The following SATB2 variants were observed in gnomAD, a reference collection of about 807,000 sequenced individuals.
The protein encoded by SATB2 is SATB homeobox 2.
Under a neutral mutation model 73.4 loss-of-function variants are expected in SATB2, and 1 was observed. The ratio of observed to expected loss-of-function variants is 0.01; its 90% CI spans 0.00 to 0.06. The LOEUF is 0.06. Ranked by LOEUF, SATB2 falls within the 10% of genes least tolerant of loss-of-function variation. The pLI is 1.00. For synonymous variants in SATB2, 397 were observed against 367.0 expected, an observed-to-expected ratio of 1.08 and a Z score of -0.93; for missense variants, 459 against 945.8, an observed-to-expected ratio of 0.49 and a Z score of 6.75.
intron 7 of SATB2, among the ~76,000 whole-genome samples, chr2:199,329,700 A>T (rs1353557429): frequency 2.6e-5 from 4 of 152,170 alleles, no homozygotes; most frequent in Non-Finnish European, 1.5e-5. Context: ...ACTCACCCAA[A>T]TAGAAAGATT....
At chr2:199,285,702 T>C (rs1413035069) in intron 10 of SATB2, among the ~76,000 whole-genome samples, 1 of 146,238 alleles carries the variant, frequency 6.8e-6, no homozygotes, top group East Asian at 2.0e-4. Context: ...TCTTAGCACA[T>C]ACAGCTATAG....
intron 3 of SATB2, among the ~76,000 whole-genome samples, chr2:199,382,865 G>A: frequency 6.6e-6 from 1 of 152,104 alleles, no homozygotes; most frequent in East Asian, 1.9e-4. Context: ...GACAATACAG[G>A]TGAGTCCAAC....
At chr2:199,393,871 T>G (rs1003577826) in intron 3 of SATB2, among the ~76,000 whole-genome samples, 1 of 152,098 alleles carries the variant, frequency 6.6e-6, no homozygotes, top group Non-Finnish European at 1.5e-5. Context: ...AAAACAACAA[T>G]GGCTTTCAGA....
chr2:199,398,763 G>A (rs116626789), intron 3 of SATB2, among the ~76,000 whole-genome samples: 3,916 of 152,214 alleles, frequency 0.026, 82 homozygotes, highest in Admixed American at 0.065. Context: ...ATAATAAAGA[G>A]CTAAAATGAC....
intron 6 of SATB2, among the ~76,000 whole-genome samples, chr2:199,363,872 T>C (rs1199033628): frequency 3.9e-5 from 6 of 152,200 alleles, no homozygotes; most frequent in South Asian, 2.1e-4. Context: ...ACTTACAACA[T>C]AGGCAGAAGG....
chr2:199,427,549 T>G (rs1691373325), intron 3 of SATB2, among the ~76,000 whole-genome samples: 1 of 152,130 alleles, frequency 6.6e-6, no homozygotes, highest in Admixed American at 6.5e-5. Flanking sequence ...GAGATATTTA[T>G]TAAAATATTA....
chr2:199,334,463 T>C (rs1479639918), intron 7 of SATB2, among the ~76,000 whole-genome samples: 2 of 152,134 alleles, frequency 1.3e-5, no homozygotes, highest in South Asian at 4.1e-4. Flanking sequence ...ATTTTACAGA[T>C]TAAAATTACA....
intron 5 of SATB2, among the ~76,000 whole-genome samples, chr2:199,370,941 C>T (rs1375619181): frequency 2.0e-5 from 2 of 100,998 alleles, no homozygotes; most frequent in South Asian, 3.4e-4. Flanking sequence ...CAACTATGAA[C>T]TGAGCAAAAA....
intron 10 of SATB2, among the ~76,000 whole-genome samples, chr2:199,290,351 T>A (rs1317418328): frequency 1.3e-5 from 2 of 152,222 alleles, no homozygotes; most frequent in Admixed American, 1.3e-4. Context: ...TAAGGGTAGA[T>A]TCTGTGTTAT....
intron 10 of SATB2, among the ~76,000 whole-genome samples, chr2:199,300,464 T>C (rs750025013): frequency 6.6e-6 from 1 of 151,612 alleles, no homozygotes; most frequent in African/African-American, 2.4e-5. Flanking sequence ...TATGAAAACA[T>C]GTCTAAGGAG....
intron 6 of SATB2, among the ~76,000 whole-genome samples, chr2:199,355,921 T>C (rs1238850015): frequency 1.3e-5 from 2 of 152,152 alleles, no homozygotes; most frequent in Non-Finnish European, 2.9e-5. Flanking sequence ...AAAAGATAGA[T>C]AATATTTCTA....
At chr2:199,404,590 T>C (rs1690577264) in intron 3 of SATB2, among the ~76,000 whole-genome samples, 1 of 152,192 alleles carries the variant, frequency 6.6e-6, no homozygotes, top group South Asian at 2.1e-4. Flanking sequence ...TTAAAAAGTA[T>C]GAACCCTATG....
chr2:199,453,689 T>C (rs531397655), intron 2 of SATB2, among the ~76,000 whole-genome samples: 14 of 152,188 alleles, frequency 9.2e-5, no homozygotes, highest in African/African-American at 3.4e-4. Flanking sequence ...ATTTGGAAAT[T>C]ATATAAACTT....
intron 10 of SATB2, among the ~76,000 whole-genome samples, chr2:199,300,739 A>G (rs1399312434): frequency 2.6e-5 from 4 of 152,138 alleles, no homozygotes; most frequent in African/African-American, 9.7e-5. Context: ...TCAAAAATGC[A>G]GAATATAAAA....
At chr2:199,287,424 A>C (rs969565184) in intron 10 of SATB2, among the ~76,000 whole-genome samples, 1 of 152,206 alleles carries the variant, frequency 6.6e-6, no homozygotes, top group Non-Finnish European at 1.5e-5. Flanking sequence ...GTCAATGAAG[A>C]CTTAAATAAT....
intron 10 of SATB2, among the ~76,000 whole-genome samples, chr2:199,293,457 GGTCT>G (rs1283843227): frequency 6.6e-5 from 10 of 151,878 alleles, no homozygotes; most frequent in Non-Finnish European, 1.3e-4. Flanking sequence ...GAAAAAAAGG[GGTCT>G]TTCTTAGTAT....
At chr2:199,283,740 T>C (rs1366853088) in intron 10 of SATB2, among the ~76,000 whole-genome samples, 8 of 151,996 alleles carry the variant, frequency 5.3e-5, no homozygotes, top group Admixed American at 5.2e-4. Flanking sequence ...GCAAAAATGA[T>C]GCCACTTTCA....
chr2:199,429,824 C>A (rs561642546), intron 3 of SATB2, among the ~76,000 whole-genome samples: 15 of 152,180 alleles, frequency 9.9e-5, no homozygotes. Flanking sequence ...GCAGGAGAAT[C>A]GCCTGAAACC....
intron 9 of SATB2, among the ~76,000 whole-genome samples, chr2:199,320,749 T>G (rs1477358256): frequency 1.3e-5 from 2 of 152,144 alleles, no homozygotes; most frequent in Non-Finnish European, 2.9e-5. Context: ...AGGACCCTCT[T>G]GGACCACCAT....
Sources: gnomAD v4.1 joint callset for allele counts (sites outside exome capture counted in the v4.1 genomes callset) on GRCh38, gnomAD v4.1.1 for gene constraint, MANE v1.5 for transcripts, NCBI Gene and HGNC (gene_info 2026-07-23, HGNC 2026-07-21) for gene names.